POMGNT1: variants seen among roughly 807,000 people sequenced by gnomAD.
The protein encoded by POMGNT1 is protein O-linked-mannose beta-1,2-N-acetylglucosaminyltransferase 1.
In POMGNT1, 67 loss-of-function variants were observed where a neutral mutation model predicts 95.6. That is an observed-to-expected ratio of 0.70 (90% CI 0.58 to 0.86). The LOEUF is 0.86. Ranked by LOEUF, POMGNT1 falls within the 40% of genes least tolerant of loss-of-function variation. The pLI is 0.00. For missense variants in POMGNT1, 719 were observed against 855.2 expected (o/e 0.84, Z 1.99); for synonymous variants, 298 against 317.9 (o/e 0.94, Z 0.66).
chr1:46,189,404 AT>A, intron 21 of POMGNT1, 47 bp from the exon 22 acceptor site: 1 of 1,613,980 alleles, frequency 6.2e-7, no homozygotes, highest in Admixed American at 1.7e-5. Context: ...CATTAGCTAT[AT>A]CCCTGGATCT....
chr1:46,198,004 T>G, intron 1 of POMGNT1, 133 bp from the exon 2 acceptor site: 1 of 848,914 alleles, frequency 1.2e-6, no homozygotes, highest in South Asian at 1.8e-5. Flanking sequence ...GGAAAGTGGC[T>G]CAACTTCTCT....
Position 46,196,828 on chromosome 1 carries a change from T to C in POMGNT1, c.257A>G (p.Glu86Gly). The change falls in exon 4 of 22, where the codon GAG becomes GGG. Residue 86 changes from glutamate (E) to glycine (G), a missense_variant. Glu to Gly is a moderately conservative substitution (Grantham distance 98, BLOSUM62 -2). Around this residue, in one of 5 missense-constraint regions of POMGNT1, gnomAD observed 466 missense variants for 517.4 expected, o/e 0.90. Coordinates refer to ENST00000371984, the MANE Select transcript of POMGNT1 (RefSeq NM_017739.4). This position sits in a 1 kb window ranked among gnomAD's most constrained non-coding sequence, Gnocchi z 4.4. ...QDYDEALGRLEPPRRRGSGPR... is the reference protein window; with the variant it reads ...QDYDEALGRLGPPRRRGSGPR... ...ACCACTGCCTCTGCGCCGTGGGGGC[T>C]CCAGGCGGCCTAGGGCCTCATCTGT... is the stretch of plus-strand genomic sequence containing the variant. The C allele has an allele frequency of 1.2e-6, 2 of 1,614,180 alleles. No individual in the cohort carries two copies. Among genetic ancestry groups the C allele is most frequent in the Non-Finnish European group, 1.7e-6 (2 of 1,180,038 alleles).
chr1:46,189,883 C>T lies in POMGNT1; in HGVS notation c.1756G>A (p.Asp586Asn). 3.7e-6 allele frequency: 6 copies of T among 1,613,914 alleles called. No individual in the cohort carries two copies. The highest frequency in any genetic ancestry group is 5.1e-6 in the Non-Finnish European group (6 of 1,180,004). The change falls in exon 20 of 22, where the codon GAC becomes AAC. Residue 586 changes from aspartate to asparagine, a missense_variant. Physicochemically the swap from Asp to Asn is conservative, Grantham distance 23. Transcript: ENST00000371984. ...GCAAGCTGGGTCCAGGTGGTGAAGT[C>T]ATCATCTTTCTCCATTCGAATAAAG... ...VAFIRMEKDD[D>N]FTTWTQLAKC...
intron 1 of POMGNT1, among the ~76,000 whole-genome samples, chr1:46,219,330 G>A (rs1219784205): frequency 6.6e-6 from 1 of 151,646 alleles, no homozygotes; most frequent in Admixed American, 6.6e-5. Context: ...TAAATATGAA[G>A]TTCAAAGCTT....
intron 1 of POMGNT1, among the ~76,000 whole-genome samples, chr1:46,209,363 G>C (rs923200758): frequency 1.3e-5 from 2 of 152,014 alleles, no homozygotes; most frequent in Admixed American, 1.3e-4. Flanking sequence ...AGGTCTTAGG[G>C]GTTGGAAGCA....
rs762748357 is a variant in POMGNT1, at chr1:46,219,796, C to T, written c.-142G>A. On this transcript the variant is annotated 5_prime_UTR_variant, in exon 1 of 23. Coordinates refer to the POMGNT1 transcript ENST00000371992. ...CGCTGGCTGTTGGAGGAGCGGGGGA[C>T]GTTGACCAGTCATTGCAGCAGCCTC... 41 of 1,614,172 alleles carry T rather than the reference C, an allele frequency of 2.5e-5. No individual in the cohort carries two copies. Among genetic ancestry groups the T allele is most frequent in the South Asian group, 1.8e-4 (16 of 91,080 alleles).
chr1:46,214,368 A>C (rs1272207662), intron 1 of POMGNT1, among the ~76,000 whole-genome samples: 1 of 151,958 alleles, frequency 6.6e-6, no homozygotes, highest in Non-Finnish European at 1.5e-5. Context: ...AAAAAGGAAA[A>C]GAAAAAGCAA....
At chr1:46,195,035 T>A (rs574043556) in intron 6 of POMGNT1, 74 bp from the exon 7 acceptor site, 29 of 1,316,610 alleles carry the variant, frequency 2.2e-5, no homozygotes, top group Non-Finnish European at 2.9e-5. Context: ...GCACGAACTA[T>A]GTAGCAACCT....
At chr1:46,205,070 C>G (rs1339957444) in intron 1 of POMGNT1, among the ~76,000 whole-genome samples, 1 of 152,120 alleles carries the variant, frequency 6.6e-6, no homozygotes, top group Non-Finnish European at 1.5e-5. Context: ...CCAGCCTGGG[C>G]AACAAAGCAA....
chr1:46,195,015 G>A, intron 6 of POMGNT1, 54 bp from the exon 7 acceptor site: 3 of 1,526,514 alleles, frequency 2.0e-6, no homozygotes, highest in Non-Finnish European at 2.7e-6. Flanking sequence ...AGGAGACCTG[G>A]CCTCACAGAG....
rs1064797111 is a variant in POMGNT1 at position 46,192,591 on chromosome 1, CTG to C, written c.1212-3_1212-2del. 4 of 1,613,968 alleles carry C rather than the reference CTG, an allele frequency of 2.5e-6. No homozygotes were observed. The highest frequency in any genetic ancestry group is 2.2e-5 in the East Asian group (1 of 44,890). On this transcript the variant is annotated splice_acceptor_variant and splice_polypyrimidine_tract_variant and intron_variant, in intron 14 of 21. Transcript: ENST00000371984. LOFTEE classifies it high-confidence loss of function. ...TAGGTGGATGGATTGGCTCAGGAAA[CTG>C]AGAGAGGCAGGGTCAAAGAGTTCAG...
chr1:46,190,081 T>C, intron 19 of POMGNT1, 92 bp from the exon 20 acceptor site: 5 of 1,413,440 alleles, frequency 3.5e-6, no homozygotes, highest in Admixed American at 2.4e-5. Context: ...TGCTCTGCTG[T>C]TGCCACCTTG....
chr1:46,210,825 A>G (rs1658870656), intron 1 of POMGNT1, among the ~76,000 whole-genome samples: 1 of 151,974 alleles, frequency 6.6e-6, no homozygotes, highest in Non-Finnish European at 1.5e-5. Flanking sequence ...CCCAGGTTGG[A>G]GTACAGTGGC....
upstream of POMGNT1, among the ~76,000 whole-genome samples, chr1:46,199,739 A>G (rs1327051517): frequency 1.3e-5 from 2 of 152,232 alleles, no homozygotes; most frequent in Admixed American, 6.5e-5. Context: ...TCTGTATTCC[A>G]TCTGCTTCCT....
At chr1:46,203,572 C>CT in intron 1 of POMGNT1, 1 of 1,577,924 alleles carries the variant, frequency 6.3e-7, no homozygotes, top group African/African-American at 1.4e-5. Context: ...CCAGGGGCGT[C>CT]TAGCACCGGC....
intron 1 of POMGNT1, among the ~76,000 whole-genome samples, chr1:46,209,196 G>A (rs569130225): frequency 9.5e-4 from 145 of 152,194 alleles, no homozygotes; most frequent in Non-Finnish European, 1.4e-3. Flanking sequence ...AGCTAATTTT[G>A]TATTTTTCGT....
Position 46,197,050 on chromosome 1 carries a change from A to G in POMGNT1, c.155T>C (p.Ile52Thr), listed in dbSNP as rs1368197753. 6.2e-7 allele frequency: 1 copy of G among 1,613,998 alleles called. No individual in the cohort carries two copies. Reference protein sequence around the residue: ...GAVLFLLVTVIVNIKLILDTR... With the variant: ...GAVLFLLVTVTVNIKLILDTR... ...GTCCAGGATCAACTTGATATTGACAATGACAGTCACCAGCAGGAAAAGCAC... is the reference window on the plus strand; with the variant it reads ...GTCCAGGATCAACTTGATATTGACAGTGACAGTCACCAGCAGGAAAAGCAC... The change falls in exon 3 of 22, where the codon ATT (isoleucine) becomes ACT (threonine). Residue 52 changes from isoleucine to threonine, a missense_variant. Ile to Thr is a moderately conservative substitution (Grantham distance 89). Coordinates refer to ENST00000371984, the MANE Select transcript of POMGNT1 (RefSeq NM_017739.4).
rs76693406 is a variant in POMGNT1, at chr1:46,196,104, G to A, written c.355-27C>T. On this transcript the variant is annotated intron_variant, in intron 4 of 21. Transcript: ENST00000371984. The surrounding 1 kb of genome is among the most constrained non-coding windows in gnomAD (Gnocchi z 4.4). ...TACACAGTGGCAGAGACAAAGTCCA[G>A]CTTTTCACTCTGGCATTCAAGGTGT... The A allele has an allele frequency of 0.024, 39,041 of 1,613,602 alleles. 811 individuals carry two copies. The highest frequency in any genetic ancestry group is 0.09 in the African/African-American group (6,729 of 75,000).
upstream of POMGNT1, chr1:46,203,355 C>G: frequency 2.2e-6 from 3 of 1,368,344 alleles, no homozygotes; most frequent in East Asian, 2.8e-5. Context: ...GCTTTAGCAG[C>G]GGCGAAGGGA....
Sources: gnomAD v4.1 joint callset for allele counts (sites outside exome capture counted in the v4.1 genomes callset) on GRCh38, gnomAD v4.1.1 for gene constraint, gnomAD v4.1.1 regional missense constraint, Gnocchi (gnomAD v3.1) non-coding constraint, MANE v1.5 for transcripts, NCBI Gene and HGNC (gene_info 2026-07-23, HGNC 2026-07-21) for gene names.